Variants in UBR3 observed in about 807,000 individuals in gnomAD.
UBR3 encodes ubiquitin protein ligase E3 component n-recognin 3.
In UBR3, 85 loss-of-function variants were observed where a neutral mutation model predicts 243.2. That is an observed-to-expected ratio of 0.35 (90% confidence interval 0.29 to 0.42). The LOEUF (loss-of-function observed/expected upper bound fraction) is 0.42. Ranked by LOEUF, UBR3 falls within the 10% of genes least tolerant of loss-of-function variation. UBR3 has a pLI of 1.00. For synonymous variants in UBR3, 748 were observed against 799.8 expected (o/e 0.94, Z 1.09); for missense variants, 1,686 against 2,300.8 (o/e 0.73, Z 5.47).
chr2:170,027,174 A>G (rs2090550660), intron 30 of UBR3, among the ~76,000 whole-genome samples: 1 of 151,736 alleles, frequency 6.6e-6, no homozygotes, highest in African/African-American at 2.4e-5. Context: ...TGAGCTGGCA[A>G]TATTAAATTT....
chr2:170,054,760 T>C (rs956690847), intron 32 of UBR3, among the ~76,000 whole-genome samples: 1 of 152,160 alleles, frequency 6.6e-6, no homozygotes, highest in African/African-American at 2.4e-5. Context: ...ATGTGCATCA[T>C]ATAGGGGTAG....
chr2:169,972,405 C>G (rs2088202683), intron 24 of UBR3, among the ~76,000 whole-genome samples: 1 of 152,164 alleles, frequency 6.6e-6, no homozygotes, highest in Non-Finnish European at 1.5e-5. Flanking sequence ...TCCTCCCTAA[C>G]TCTTTTTATG....
chr2:169,918,280 TTAAGTTTAATTGTTAATA>T lies in UBR3; in HGVS notation c.1866+4137_1866+4154del, dbSNP rs1231611361. 7.3e-5 allele frequency among the ~76,000 whole-genome samples: 11 copies of T among 150,896 alleles called. No homozygotes were observed. The East Asian group carries it at 2.2e-3, about 30-fold the overall frequency. On this transcript the variant is annotated intron_variant, in intron 11 of 38. Coordinates refer to ENST00000272793, the MANE Select transcript of UBR3 (RefSeq NM_172070.4). ...GCTATGTGGCCTTGGACAGATTTTTTTAAGTTTAATTGTTAATATATTTTTACTTTTTTTTTTTTTTTA... is the reference window on the plus strand; with the variant it reads ...GCTATGTGGCCTTGGACAGATTTTTTTATTTTTACTTTTTTTTTTTTTTTA...
intron 29 of UBR3, among the ~76,000 whole-genome samples, chr2:170,012,126 A>G (rs1327653498): frequency 6.6e-6 from 1 of 152,184 alleles, no homozygotes; most frequent in Non-Finnish European, 1.5e-5. Flanking sequence ...GTTACTTTGT[A>G]AACTAATCAT....
chr2:169,858,749 T>C (rs1001228454), intron 1 of UBR3, among the ~76,000 whole-genome samples: 4 of 151,732 alleles, frequency 2.6e-5, no homozygotes, highest in African/African-American at 9.7e-5. Flanking sequence ...ACAGGCACCC[T>C]CCACCACACC....
Position 169,949,896 on chromosome 2 carries a change from T to C in UBR3, c.3376T>C (p.Tyr1126His). ...TTTAATCCAACCAGAAATTCCTAAATACAGTCATGGAGATGGTATAACTGC... is the reference window on the plus strand; with the variant it reads ...TTTAATCCAACCAGAAATTCCTAAACACAGTCATGGAGATGGTATAACTGC... ...EILIQPEIPK[Y>H]SHGDGITAVE... Residue 1126 changes from tyrosine to histidine, a missense_variant, in exon 23 of 39, where the codon TAC becomes CAC. Physicochemically the swap from Tyr to His is moderately conservative, Grantham distance 83 (BLOSUM62 2). Transcript: ENST00000272793. 6.2e-7 allele frequency: 1 copy of C among 1,612,392 alleles called. No individual in the cohort carries two copies. The highest frequency in any genetic ancestry group is 8.5e-7 in the Non-Finnish European group (1 of 1,179,070).
chr2:170,040,166 T>C (rs1311853901), intron 31 of UBR3, among the ~76,000 whole-genome samples: 1 of 152,150 alleles, frequency 6.6e-6, no homozygotes, highest in African/African-American at 2.4e-5. Flanking sequence ...TGAGACAGAG[T>C]CTCACTTTTT....
intron 29 of UBR3, among the ~76,000 whole-genome samples, chr2:170,010,162 G>C (rs971473556): frequency 1.3e-5 from 2 of 152,112 alleles, no homozygotes; most frequent in Non-Finnish European, 2.9e-5. Flanking sequence ...ATAACATTTA[G>C]TATTTTGTTT....
At chr2:169,910,549 A>T (rs2085212056) in intron 10 of UBR3, among the ~76,000 whole-genome samples, 2 of 152,114 alleles carry the variant, frequency 1.3e-5, no homozygotes, top group South Asian at 4.1e-4. Flanking sequence ...GATTCACCTA[A>T]TCTATGAAGT....
At chr2:170,006,560 T>C (rs1452169461) in intron 27 of UBR3, among the ~76,000 whole-genome samples, 1 of 152,174 alleles carries the variant, frequency 6.6e-6, no homozygotes, top group Non-Finnish European at 1.5e-5. Flanking sequence ...TCTTAAAAGC[T>C]ATTTATCCTA....
chr2:169,877,366 ATAT>A, intron 3 of UBR3, 125 bp from the exon 4 acceptor site: 1 of 788,252 alleles, frequency 1.3e-6, no homozygotes, highest in African/African-American at 1.8e-5. Flanking sequence ...AAGCTATCTT[ATAT>A]TATTCATTCT....
chr2:169,987,308 G>A (rs1200818297), intron 25 of UBR3, among the ~76,000 whole-genome samples: 4 of 150,180 alleles, frequency 2.7e-5, no homozygotes, highest in African/African-American at 7.4e-5. Flanking sequence ...CAGGAGAATC[G>A]CTGGAACCTG....
chr2:169,889,673 G>GATTA (rs2084250875), intron 5 of UBR3, among the ~76,000 whole-genome samples: 1 of 152,192 alleles, frequency 6.6e-6, no homozygotes, highest in South Asian at 2.1e-4. Flanking sequence ...CAAAGGTGGA[G>GATTA]ATTAACAGGG....
At chr2:170,040,849 A>T (rs748023753) in intron 31 of UBR3, 33 bp from the exon 32 acceptor site, 2 of 1,498,408 alleles carry the variant, frequency 1.3e-6, no homozygotes, top group South Asian at 2.3e-5. Flanking sequence ...AAGATATACA[A>T]TACTATGTAA....
chr2:169,888,313 A>G (rs778214653), intron 5 of UBR3, among the ~76,000 whole-genome samples: 2 of 150,366 alleles, frequency 1.3e-5, no homozygotes, highest in African/African-American at 4.9e-5. Flanking sequence ...TAATTTTTGT[A>G]TTTTTAGTGG....
rs115031791 is a variant in UBR3 at position 170,064,259 on chromosome 2, A to G, written c.5019+2816A>G. ...CTTTTCACTGGCTTTGTTTAGCCAT[A>G]GTGTCCTTTGTGGAATAGAAATTTT... On this transcript the variant is annotated intron_variant, in intron 35 of 38. Transcript: ENST00000272793. 8.5e-3 allele frequency among the ~76,000 whole-genome samples: 1,294 copies of G among 152,228 alleles called. 15 individuals are homozygous for G. Among genetic ancestry groups the G allele is most frequent in the African/African-American group, 0.03 (1,237 of 41,532 alleles).
chr2:169,846,934 C>T (rs1303034792), intron 1 of UBR3, among the ~76,000 whole-genome samples: 3 of 152,246 alleles, frequency 2.0e-5, no homozygotes, highest in African/African-American at 7.2e-5. Flanking sequence ...CAAGGTTTTG[C>T]CATGTTGTCC....
intron 30 of UBR3, 25 bp downstream of exon 30, chr2:170,015,391 T>TA (rs765299167): frequency 1.0e-5 from 16 of 1,553,838 alleles, no homozygotes; most frequent in Admixed American, 1.0e-4. Context: ...CTGCTAAATT[T>TA]AAAAAAAATT....
At chr2:170,047,230 C>T (rs919709422) in intron 32 of UBR3, among the ~76,000 whole-genome samples, 74 of 151,930 alleles carry the variant, frequency 4.9e-4, no homozygotes, top group Admixed American at 2.0e-3. Flanking sequence ...AGGCTGGTCT[C>T]GAACTCTGGG....
Sources: gnomAD v4.1 joint callset for allele counts (sites outside exome capture counted in the v4.1 genomes callset) on GRCh38, gnomAD v4.1.1 for gene constraint, MANE v1.5 for transcripts, NCBI Gene and HGNC (gene_info 2026-07-23, HGNC 2026-07-21) for gene names.